Variants in ZNF503 observed in about 807,000 individuals in gnomAD.
The protein encoded by ZNF503 is zinc finger protein 503.
In ZNF503, 15 loss-of-function variants were observed where a neutral mutation model predicts 34.4. The ratio of observed to expected loss-of-function variants is 0.44; its 90% confidence interval spans 0.29 to 0.67. The LOEUF (loss-of-function observed/expected upper bound fraction) is 0.67. Ranked by LOEUF, ZNF503 falls within the 30% of genes least tolerant of loss-of-function variation. The pLI, the probability that ZNF503 is intolerant of heterozygous loss-of-function variation, is 0.13. For synonymous variants in ZNF503, 580 were observed against 456.8 expected (o/e 1.27, Z -3.44); for missense variants, 1,007 against 926.8 (o/e 1.09, Z -1.12).
chr10:75,294,367 C>T, the ZNF503 span, among the ~76,000 whole-genome samples: 1 of 152,194 alleles, frequency 6.6e-6, no homozygotes, highest in African/African-American at 2.4e-5. Flanking sequence ...AAGACCCTCG[C>T]CCAAAGAAGA....
the ZNF503 span, among the ~76,000 whole-genome samples, chr10:75,339,926 T>TA: frequency 6.6e-6 from 1 of 151,840 alleles, no homozygotes. Context: ...TTTAAAATAA[T>TA]AATAATAAAC....
chr10:75,360,114 CTTTTTTTT>C, the ZNF503 span, among the ~76,000 whole-genome samples: 2 of 108,488 alleles, frequency 1.8e-5, no homozygotes, highest in Admixed American at 1.0e-4. Flanking sequence ...CCAAAGGTTT[CTTTTTTTT>C]TTTTTTTTTT....
At chr10:75,290,594 A>G in the ZNF503 span, among the ~76,000 whole-genome samples, 2 of 152,210 alleles carry the variant, frequency 1.3e-5, no homozygotes, top group African/African-American at 4.8e-5. Context: ...CCTTCTCTTC[A>G]TGGAGAGAGG....
At chr10:75,374,333 A>G in the ZNF503 span, among the ~76,000 whole-genome samples, 1 of 152,096 alleles carries the variant, frequency 6.6e-6, no homozygotes, top group Middle Eastern at 3.2e-3. Flanking sequence ...CAAACAAAAA[A>G]CAAAGTAAGT....
At position 75,399,336 on chromosome 10, in the gene ZNF503, C is replaced by G. The variant is rs766382072; in HGVS notation, c.1354G>C (p.Ala452Pro). Residue 452 changes from alanine (A) to proline (P), a missense_variant, in exon 2 of 2, where the codon GCA becomes CCA. By Grantham distance (27) the Ala-to-Pro change is conservative. Transcript: ENST00000372524. ...AGAAAASASC[A>P]HDPAAAAAAL... ...GCAGCCGCAGCAGCCGGATCATGTG[C>G]GCAAGAAGCGCTGGCGGCCGCCGCC... 4 of 1,604,930 alleles carry G rather than the reference C, an allele frequency of 2.5e-6. No individual in the cohort carries two copies. The highest frequency in any genetic ancestry group is 3.4e-6 in the Non-Finnish European group (4 of 1,177,590).
the ZNF503 span, among the ~76,000 whole-genome samples, chr10:75,308,403 T>C: frequency 1.3e-5 from 2 of 152,180 alleles, no homozygotes; most frequent in Non-Finnish European, 2.9e-5. Context: ...AGACTAATAT[T>C]TCCATACCTG....
the ZNF503 span, among the ~76,000 whole-genome samples, chr10:75,309,619 C>T: frequency 2.0e-5 from 3 of 152,166 alleles, no homozygotes; most frequent in Admixed American, 6.5e-5. Context: ...AATGCTATTG[C>T]ACACTTAATA....
chr10:75,301,537 G>T, the ZNF503 span, among the ~76,000 whole-genome samples: 1 of 151,942 alleles, frequency 6.6e-6, no homozygotes, highest in Non-Finnish European at 1.5e-5. Flanking sequence ...CACCATGCCC[G>T]GCCATTTCTA....
At chr10:75,281,580 A>C in the ZNF503 span, among the ~76,000 whole-genome samples, 2 of 152,156 alleles carry the variant, frequency 1.3e-5, no homozygotes, top group Non-Finnish European at 2.9e-5. Context: ...GGAGGTGGGA[A>C]GGGAACAACC....
chr10:75,362,196 A>G, the ZNF503 span, among the ~76,000 whole-genome samples: 1 of 152,016 alleles, frequency 6.6e-6, no homozygotes, highest in African/African-American at 2.4e-5. Flanking sequence ...TAATGCGGCC[A>G]TATTTTGGGA....
the ZNF503 span, among the ~76,000 whole-genome samples, chr10:75,390,398 T>C: frequency 2.1e-5 from 3 of 144,530 alleles, no homozygotes; most frequent in Non-Finnish European, 3.0e-5. Flanking sequence ...TTCCTCCCCC[T>C]CCTCCTCTTC....
the ZNF503 span, among the ~76,000 whole-genome samples, chr10:75,308,669 C>T: frequency 1.3e-5 from 2 of 152,122 alleles, no homozygotes; most frequent in African/African-American, 4.8e-5. Context: ...TTTCAACCCT[C>T]ATCTGATCTC....
In ZNF503 at chr10:75,400,237, AGCACCGCCGCCG is replaced by A. The variant is rs773670452; in HGVS notation, c.441_452del (p.Gly148_Ala151del). 11 of 1,610,858 alleles carry A rather than the reference AGCACCGCCGCCG, an allele frequency of 6.8e-6. No homozygotes were observed. The highest frequency in any genetic ancestry group is 1.3e-5 in the African/African-American group (1 of 74,746). On this transcript the variant is annotated inframe_deletion, in exon 2 of 2. Coordinates refer to ENST00000372524, the MANE Select transcript of ZNF503 (RefSeq NM_032772.6). Reference sequence around the variant, plus strand: ...CCGATTTGGTGTCCTTGTCGCCCGCAGCACCGCCGCCGGCACCGCCCGCGCCGCCCCCGTTGG... The same window carrying A: ...CCGATTTGGTGTCCTTGTCGCCCGCAGCACCGCCCGCGCCGCCCCCGTTGG...
In ZNF503 at chr10:75,399,800, T is replaced by A. The variant is rs370967290; in HGVS notation, c.890A>T (p.His297Leu). The A allele has an allele frequency of 2.7e-5, 44 of 1,600,944 alleles. No individual in the cohort carries two copies. The highest frequency in any genetic ancestry group is 2.6e-6 in the Non-Finnish European group (3 of 1,176,234). The change falls in exon 2 of 2, where the codon CAT (histidine) becomes CTT (leucine). Residue 297 changes from histidine (H) to leucine (L), a missense_variant. By Grantham distance (99) the His-to-Leu change is moderately conservative. Coordinates refer to ENST00000372524, the MANE Select transcript of ZNF503 (RefSeq NM_032772.6). ...CTTGCCTCCCGGGCCCCCATCCGGA[T>A]GCTGGTTCACATCCACATTAATCCC... ...GGGINVDVNQ[H>L]PDGGPGGKAL...
At chr10:75,315,226 G>C in the ZNF503 span, among the ~76,000 whole-genome samples, 747 of 152,232 alleles carry the variant, frequency 4.9e-3, 4 homozygotes, top group Non-Finnish European at 7.4e-3. Flanking sequence ...CAGGCATGGT[G>C]GTGTGCACCT....
chr10:75,340,357 A>T, the ZNF503 span, among the ~76,000 whole-genome samples: 1 of 152,238 alleles, frequency 6.6e-6, no homozygotes, highest in Non-Finnish European at 1.5e-5. Context: ...TTTGGGCAGT[A>T]TCAAAGTCTT....
At chr10:75,349,150 A>G in the ZNF503 span, among the ~76,000 whole-genome samples, 6 of 152,374 alleles carry the variant, frequency 3.9e-5, no homozygotes, top group South Asian at 4.1e-4. Context: ...ACAATGTAAC[A>G]TAAGTTTATA....
At chr10:75,344,405 C>A in the ZNF503 span, among the ~76,000 whole-genome samples, 1 of 152,246 alleles carries the variant, frequency 6.6e-6, no homozygotes, top group South Asian at 2.1e-4. Context: ...GACCAGATGG[C>A]ACAGCTCAGA....
the ZNF503 span, among the ~76,000 whole-genome samples, chr10:75,286,004 C>T: frequency 6.6e-6 from 1 of 152,222 alleles, no homozygotes; most frequent in East Asian, 1.9e-4. Flanking sequence ...CCTGGATGGC[C>T]GGGCTCAGTG....
Sources: gnomAD v4.1 joint callset for allele counts (sites outside exome capture counted in the v4.1 genomes callset) on GRCh38, gnomAD v4.1.1 for gene constraint, MANE v1.5 for transcripts, NCBI Gene and HGNC (gene_info 2026-07-23, HGNC 2026-07-21) for gene names.